Variants in LRRC37A2 observed in about 807,000 individuals in gnomAD.
The protein encoded by LRRC37A2 is leucine-rich repeat-containing protein 37A2.
A neutral mutation model predicts 68.8 loss-of-function variants in LRRC37A2; 9 were observed. The observed-to-expected ratio is 0.13, with a 90% CI of 0.08 to 0.23. The LOEUF (loss-of-function observed/expected upper bound fraction) is 0.23. LRRC37A2 is among the 10% of genes least tolerant of loss of function. LRRC37A2 has a pLI of 1.00. For synonymous variants in LRRC37A2, 63 were observed against 367.6 expected (o/e 0.17, Z 9.48); for missense variants, 168 against 950.4 (o/e 0.18, Z 10.82).
chr17:46,589,337 T>A, the LRRC37A2 span, among the ~76,000 whole-genome samples: 1 of 47,914 alleles, frequency 2.1e-5, no homozygotes, highest in Admixed American at 2.3e-4. Context: ...GAAATAGGCG[T>A]GAATTTTTTT....
At chr17:46,785,833 G>A in the LRRC37A2 span, among the ~76,000 whole-genome samples, 1 of 152,276 alleles carries the variant, frequency 6.6e-6, no homozygotes, top group South Asian at 2.1e-4. Flanking sequence ...ATGTTTCTTT[G>A]GGGAGAAAAG....
the LRRC37A2 span, among the ~76,000 whole-genome samples, chr17:46,901,997 A>G: frequency 6.6e-6 from 1 of 151,940 alleles, no homozygotes; most frequent in Non-Finnish European, 1.5e-5. Context: ...TAGTAGAGAC[A>G]GGGTTTTGCC....
chr17:46,546,978 G>A (rs1351312342), intron 9 of LRRC37A2, among the ~76,000 whole-genome samples: 1 of 7,168 alleles, frequency 1.4e-4, no homozygotes, highest in Non-Finnish European at 2.6e-4. Context: ...CAGAACAAAC[G>A]CTCAAGGGCT....
At chr17:46,834,494 G>C in the LRRC37A2 span, among the ~76,000 whole-genome samples, 1 of 152,186 alleles carries the variant, frequency 6.6e-6, no homozygotes, top group African/African-American at 2.4e-5. Context: ...CTTTACAACA[G>C]GGGGTACGGA....
At chr17:46,927,378 C>T in the LRRC37A2 span, among the ~76,000 whole-genome samples, 1 of 152,066 alleles carries the variant, frequency 6.6e-6, no homozygotes, top group East Asian at 1.9e-4. Context: ...TTCATGTTGT[C>T]AGATGTATCC....
At chr17:46,765,981 G>A in the LRRC37A2 span, among the ~76,000 whole-genome samples, 51 of 152,352 alleles carry the variant, frequency 3.3e-4, no homozygotes, top group African/African-American at 1.2e-3. Context: ...AGCTTCCACA[G>A]AGAAGGGGTT....
rs974834531 is a variant in LRRC37A2 at position 46,551,154 on chromosome 17, C to A, written c.4809+635C>A. Among the ~76,000 whole-genome samples, 15 of 149,572 alleles carry A rather than the reference C, an allele frequency of 1.0e-4. 1 individual carries two copies. The highest frequency in any genetic ancestry group is 3.3e-4 in the African/African-American group (13 of 39,004). ...AGATGTGTCACCATTTCTTGGACAC[C>A]ATGTGAGACATTCCCCCTCAGATTA... On this transcript the variant is annotated intron_variant, in intron 11 of 14. Transcript: ENST00000576629.
chr17:46,865,030 T>A, the LRRC37A2 span, among the ~76,000 whole-genome samples: 154 of 152,180 alleles, frequency 1.0e-3, 1 homozygote, highest in Middle Eastern at 0.01. Flanking sequence ...CTCATAGAGG[T>A]GATGGATCCT....
chr17:46,776,318 G>T, the LRRC37A2 span, among the ~76,000 whole-genome samples: 2 of 152,332 alleles, frequency 1.3e-5, no homozygotes, highest in Admixed American at 1.3e-4. Flanking sequence ...TGGGCACACG[G>T]CGCACACAGC....
chr17:46,721,538 T>G, the LRRC37A2 span: 1 of 1,190,182 alleles, frequency 8.4e-7, no homozygotes, highest in Non-Finnish European at 1.2e-6. Flanking sequence ...ACATTCTTTT[T>G]CTGTGTGTGT....
chr17:46,920,060 T>C, the LRRC37A2 span, among the ~76,000 whole-genome samples: 1 of 152,206 alleles, frequency 6.6e-6, no homozygotes, highest in Non-Finnish European at 1.5e-5. Flanking sequence ...ATTCATGTTC[T>C]TTCCTTCTGT....
the LRRC37A2 span, among the ~76,000 whole-genome samples, chr17:46,815,065 G>C: frequency 6.6e-6 from 1 of 152,150 alleles, no homozygotes; most frequent in African/African-American, 2.4e-5. Flanking sequence ...TCACACAGCG[G>C]CAGGGTGAGC....
the LRRC37A2 span, among the ~76,000 whole-genome samples, chr17:46,892,781 T>C: frequency 3.3e-5 from 5 of 152,336 alleles, no homozygotes; most frequent in East Asian, 7.7e-4. Context: ...AAAAAAGGCA[T>C]GGTCCTAGTT....
chr17:46,961,110 A>T, the LRRC37A2 span, among the ~76,000 whole-genome samples: 1 of 152,340 alleles, frequency 6.6e-6, no homozygotes, highest in Admixed American at 6.5e-5. Context: ...GTAAACATTT[A>T]AAGTCCTGAT....
chr17:46,497,515 G>A, the LRRC37A2 span, among the ~76,000 whole-genome samples: 1 of 144,288 alleles, frequency 6.9e-6, no homozygotes, highest in African/African-American at 2.7e-5. Context: ...CTTAGAGTTA[G>A]CATTTTACCT....
the LRRC37A2 span, among the ~76,000 whole-genome samples, chr17:46,890,436 A>G: frequency 2.0e-5 from 3 of 152,182 alleles, no homozygotes; most frequent in Admixed American, 1.3e-4. Flanking sequence ...CTGGACTGCC[A>G]TCAGGAGCTC....
At chr17:47,022,592 T>C in the LRRC37A2 span, among the ~76,000 whole-genome samples, 1 of 152,212 alleles carries the variant, frequency 6.6e-6, no homozygotes, top group Non-Finnish European at 1.5e-5. Context: ...TTCCAGACTT[T>C]TCCCCATTTA....
chr17:46,796,570 G>A, the LRRC37A2 span, among the ~76,000 whole-genome samples: 1 of 152,204 alleles, frequency 6.6e-6, no homozygotes, highest in Admixed American at 6.5e-5. Context: ...TGTCCCACTC[G>A]GGGCACACAG....
the LRRC37A2 span, among the ~76,000 whole-genome samples, chr17:46,714,315 T>A: frequency 6.6e-6 from 1 of 152,252 alleles, no homozygotes; most frequent in African/African-American, 2.4e-5. Flanking sequence ...TAGGATTTTT[T>A]AAAGTTCTTT....
Sources: gnomAD v4.1 joint callset for allele counts (sites outside exome capture counted in the v4.1 genomes callset) on GRCh38, gnomAD v4.1.1 for gene constraint, MANE v1.5 for transcripts, NCBI Gene and HGNC (gene_info 2026-07-23, HGNC 2026-07-21) for gene names.